The following CELF2 variants were observed in gnomAD, a reference collection of about 807,000 sequenced individuals.
CELF2 encodes the protein CUGBP Elav-like family member 2.
CELF2 carries 8 observed loss-of-function variants against 62.6 expected under a neutral mutation model. The observed-to-expected ratio is 0.13, with a 90% confidence interval of 0.07 to 0.23. The LOEUF is 0.23. CELF2 is among the 10% of genes least tolerant of loss of function. The pLI, the probability that CELF2 is intolerant of heterozygous loss-of-function variation, is 1.00. For missense variants in CELF2, 333 were observed against 671.0 expected, an observed-to-expected ratio of 0.50 and a Z score of 5.56; for synonymous variants, 258 against 250.0, an observed-to-expected ratio of 1.03 and a Z score of -0.30.
intron 1 of CELF2, among the ~76,000 whole-genome samples, chr10:11,137,092 A>G (rs1420064952): frequency 1.3e-5 from 2 of 152,214 alleles, no homozygotes; most frequent in African/African-American, 2.4e-5. Flanking sequence ...ATACCTATGT[A>G]TGTATGCACA....
chr10:10,495,598 C>T, the CELF2 span, among the ~76,000 whole-genome samples: 3 of 152,230 alleles, frequency 2.0e-5, no homozygotes, highest in Admixed American at 6.5e-5. Context: ...AATTGCTCCA[C>T]TGAATGCCTC....
chr10:10,773,104 G>A, the CELF2 span, among the ~76,000 whole-genome samples: 1 of 152,110 alleles, frequency 6.6e-6, no homozygotes, highest in Admixed American at 6.5e-5. Flanking sequence ...TCTGCCACTT[G>A]GAATAACATT....
chr10:11,198,337 C>A lies in CELF2; in HGVS notation c.272-19088C>A, dbSNP rs181279969. Among the ~76,000 whole-genome samples, 23 of 152,286 alleles carry A rather than the reference C, an allele frequency of 1.5e-4. No homozygotes were observed. The East Asian group carries it at 4.4e-3, about 29-fold the overall frequency. ...AAGCCCTTTCCCAAATTGGGTAGTT[C>A]TATTTTGTTATCTTCTGAAGGGAAA... On this transcript the variant is annotated intron_variant, in intron 2 of 12. Transcript: ENST00000633077.
chr10:10,823,579 TGC>T (rs796813933), intron 1 of CELF2, among the ~76,000 whole-genome samples: 37 of 90,434 alleles, frequency 4.1e-4, no homozygotes, highest in African/African-American at 1.6e-3. Context: ...TGTTTTCTTA[TGC>T]ACAAAAAAAA....
At chr10:10,857,230 G>A (rs7076229) in intron 1 of CELF2, among the ~76,000 whole-genome samples, 38,012 of 151,944 alleles carry the variant, frequency 0.25, 4,813 homozygotes, top group South Asian at 0.3. Flanking sequence ...AATCTTCACA[G>A]GTGTGGGAAA....
chr10:10,650,530 A>C, the CELF2 span, among the ~76,000 whole-genome samples: 1 of 121,786 alleles, frequency 8.2e-6, no homozygotes, highest in African/African-American at 3.0e-5. Flanking sequence ...AAGAGCAAAA[A>C]ATTGAAACAG....
chr10:11,249,414 G>A (rs909368039), intron 4 of CELF2, among the ~76,000 whole-genome samples: 9 of 152,282 alleles, frequency 5.9e-5, no homozygotes, highest in African/African-American at 1.7e-4. Flanking sequence ...GCGTAAAGAT[G>A]TATGAGGCTG....
the CELF2 span, among the ~76,000 whole-genome samples, chr10:10,727,100 G>A: frequency 5.9e-5 from 9 of 152,156 alleles, no homozygotes; most frequent in East Asian, 1.9e-4. Context: ...CACCCATCAC[G>A]ATCAGATCAC....
At chr10:10,789,419 A>T in the CELF2 span, among the ~76,000 whole-genome samples, 1 of 152,220 alleles carries the variant, frequency 6.6e-6, no homozygotes, top group Non-Finnish European at 1.5e-5. Context: ...GTTGCCTCTG[A>T]TAGCTTATTA....
chr10:10,677,262 G>A, the CELF2 span, among the ~76,000 whole-genome samples: 1 of 152,204 alleles, frequency 6.6e-6, no homozygotes, highest in Non-Finnish European at 1.5e-5. Flanking sequence ...TCTTACGCTT[G>A]TGGACAGAGC....
At chr10:11,278,207 C>T (rs1206000406) in intron 8 of CELF2, among the ~76,000 whole-genome samples, 3 of 152,226 alleles carry the variant, frequency 2.0e-5, no homozygotes. Context: ...CCCAAAAAAT[C>T]TTACCATTTT....
At chr10:11,189,656 C>G (rs2075837518) in intron 2 of CELF2, among the ~76,000 whole-genome samples, 1 of 152,200 alleles carries the variant, frequency 6.6e-6, no homozygotes, top group Admixed American at 6.5e-5. Flanking sequence ...GTGCTGTGGC[C>G]TGGAAACTCT....
the CELF2 span, among the ~76,000 whole-genome samples, chr10:10,510,211 T>C: frequency 6.6e-6 from 1 of 152,210 alleles, no homozygotes; most frequent in Admixed American, 6.5e-5. Context: ...TAGATTCACC[T>C]CCTATTCACA....
the CELF2 span, among the ~76,000 whole-genome samples, chr10:10,734,369 T>G: frequency 6.6e-6 from 1 of 152,342 alleles, no homozygotes; most frequent in Non-Finnish European, 1.5e-5. Flanking sequence ...TAGAACTCCT[T>G]GCTTCATATA....
the CELF2 span, among the ~76,000 whole-genome samples, chr10:10,716,785 C>T: frequency 3.9e-5 from 6 of 152,148 alleles, no homozygotes; most frequent in Non-Finnish European, 8.8e-5. Flanking sequence ...CAAAGATAAC[C>T]TGCTGTTGGA....
intron 1 of CELF2, among the ~76,000 whole-genome samples, chr10:10,836,851 G>T (rs1372207431): frequency 1.3e-5 from 2 of 152,148 alleles, no homozygotes; most frequent in African/African-American, 4.8e-5. Context: ...TAGCCAGGAT[G>T]GTCTTGACCT....
chr10:10,957,089 C>T lies in CELF2; in HGVS notation c.89+37090C>T, dbSNP rs1005156639. 2.0e-5 allele frequency among the ~76,000 whole-genome samples: 3 copies of T among 152,160 alleles called. No homozygotes were observed. In the East Asian group the frequency reaches 5.8e-4, roughly 29 times the overall value. On this transcript the variant is annotated intron_variant, in intron 2 of 13. Coordinates refer to the CELF2 transcript ENST00000636488. This position sits in a 1 kb window ranked among gnomAD's most constrained non-coding sequence, Gnocchi z 4.1. The stretch of plus-strand genomic sequence containing the variant: ...CTTCAGGATCAAGTGTAGACTCTTG[C>T]ACAAGGGAGCTCTGGAAGTATTTAG...
At chr10:10,475,709 CT>C in the CELF2 span, among the ~76,000 whole-genome samples, 2 of 151,974 alleles carry the variant, frequency 1.3e-5, no homozygotes, top group Admixed American at 6.6e-5. Flanking sequence ...CTAAGAAGTG[CT>C]TCTAGTTACT....
rs575975750 is a variant in CELF2, at chr10:11,296,644, C to T, written c.976+8092C>T. ...CAGATGTGGTTTAATCCCGAGAACCCGTCACCATCAACTAGATGCATTGGC... is the reference window on the plus strand; with the variant it reads ...CAGATGTGGTTTAATCCCGAGAACCTGTCACCATCAACTAGATGCATTGGC... On this transcript the variant is annotated intron_variant, in intron 9 of 12. Coordinates refer to ENST00000633077, the MANE Select transcript of CELF2 (RefSeq NM_001326342.2). This position sits in a 1 kb window ranked among gnomAD's most constrained non-coding sequence, Gnocchi z 5.0. 2.0e-5 allele frequency among the ~76,000 whole-genome samples: 3 copies of T among 151,992 alleles called. No individual in the cohort carries two copies. Among genetic ancestry groups the T allele is most frequent in the Non-Finnish European group, 2.9e-5 (2 of 68,018 alleles).
Sources: allele counts gnomAD v4.1 joint callset (sites outside exome capture counted in the v4.1 genomes callset), GRCh38; gene constraint gnomAD v4.1.1; non-coding constraint Gnocchi (gnomAD v3.1); transcripts MANE v1.5; gene names NCBI Gene and HGNC (gene_info 2026-07-23, HGNC 2026-07-21).